TMEM132B: variants seen among roughly 807,000 people sequenced by gnomAD.
TMEM132B encodes transmembrane protein 132B.
In TMEM132B, 18 loss-of-function variants were observed where a neutral mutation model predicts 90.8. That is an observed-to-expected ratio of 0.20 (90% confidence interval 0.14 to 0.29). The LOEUF (loss-of-function observed/expected upper bound fraction) is 0.29, where lower values mean the gene tolerates loss of function less well. Among genes scored for constraint, TMEM132B ranks in the 10% least tolerant of loss-of-function variants. The pLI is 1.00. For synonymous variants in TMEM132B, 504 were observed against 523.3 expected (o/e 0.96, Z 0.50); for missense variants, 1,096 against 1,326.8 (o/e 0.83, Z 2.70).
At chr12:125,588,114 G>T (rs1885223310) in intron 5 of TMEM132B, 1 of 152,140 alleles carries the variant, frequency 6.6e-6, no homozygotes, top group South Asian at 2.1e-4. Flanking sequence ...AGACTGCAGA[G>T]GTAGTGAGTT....
chr12:125,508,570 A>G (rs1882901357), intron 3 of TMEM132B, among the ~76,000 whole-genome samples: 1 of 152,056 alleles, frequency 6.6e-6, no homozygotes, highest in Admixed American at 6.6e-5. Flanking sequence ...TGCATATGGC[A>G]TGACTCCAGG....
chr12:125,254,019 G>C (rs916304165), intron 1 of TMEM132B, among the ~76,000 whole-genome samples: 2 of 152,182 alleles, frequency 1.3e-5, no homozygotes. Context: ...ACTGGGCGCG[G>C]TGGCTCATGC....
rs574884929 is a variant in TMEM132B at position 125,275,721 on chromosome 12, G to GT, written c.68-73723dup. On this transcript the variant is annotated intron_variant, in intron 1 of 8. Transcript: ENST00000682704. ...ATCCTTGGAAACCTTTGGCTAATGT[G>GT]TTTTTTTTGGGAGACAGGGTCTCAC... Among the ~76,000 whole-genome samples, 70 of 151,896 alleles carry GT rather than the reference G, an allele frequency of 4.6e-4. 2 individuals are homozygous for GT. The South Asian group carries it at 0.013, about 28-fold the overall frequency.
intron 1 of TMEM132B, among the ~76,000 whole-genome samples, chr12:125,236,194 G>A (rs1272954075): frequency 3.9e-5 from 6 of 151,992 alleles, no homozygotes; most frequent in African/African-American, 1.2e-4. Flanking sequence ...TGCCCAGGGT[G>A]GAGTGCAGTG....
At chr12:125,252,865 C>G (rs1849449299) in intron 1 of TMEM132B, among the ~76,000 whole-genome samples, 1 of 152,168 alleles carries the variant, frequency 6.6e-6, no homozygotes, top group South Asian at 2.1e-4. Context: ...TCAAATTGGT[C>G]AACATTTTCT....
intron 1 of TMEM132B, among the ~76,000 whole-genome samples, chr12:125,252,314 G>A (rs1874334625): frequency 6.6e-6 from 1 of 152,152 alleles, no homozygotes; most frequent in African/African-American, 2.4e-5. Context: ...TCTCTAGTGA[G>A]TGCCTTTCTC....
At chr12:125,440,527 C>G (rs895265973) in intron 3 of TMEM132B, among the ~76,000 whole-genome samples, 3 of 152,104 alleles carry the variant, frequency 2.0e-5, no homozygotes, top group African/African-American at 7.2e-5. Flanking sequence ...CATTAGGACC[C>G]GCGATTATTT....
At chr12:125,651,086 A>G (rs1886904723) in intron 7 of TMEM132B, 133 bp downstream of exon 7, 1 of 1,238,620 alleles carries the variant, frequency 8.1e-7, no homozygotes. Flanking sequence ...CTGTGCATGT[A>G]TTGCCTCTGT....
chr12:125,613,722 C>T (rs1222912330), intron 5 of TMEM132B, among the ~76,000 whole-genome samples: 1 of 151,934 alleles, frequency 6.6e-6, no homozygotes, highest in Non-Finnish European at 1.5e-5. Flanking sequence ...ATAGATATTA[C>T]ATGTCTATAT....
intron 3 of TMEM132B, among the ~76,000 whole-genome samples, chr12:125,421,628 C>G (rs533460696): frequency 1.8e-4 from 28 of 152,320 alleles, no homozygotes; most frequent in African/African-American, 6.7e-4. Flanking sequence ...ATTGGAAAAT[C>G]TGGAAAATCC....
intron 3 of TMEM132B, among the ~76,000 whole-genome samples, chr12:125,488,115 A>C (rs1882248074): frequency 6.6e-6 from 1 of 152,224 alleles, no homozygotes; most frequent in South Asian, 2.1e-4. Context: ...CACAGTAGAA[A>C]TAGAAGGAAA....
At chr12:125,287,942 A>C (rs966689903) in intron 1 of TMEM132B, among the ~76,000 whole-genome samples, 5 of 151,928 alleles carry the variant, frequency 3.3e-5, no homozygotes, top group Non-Finnish European at 5.9e-5. Flanking sequence ...ATCTCGGCTC[A>C]CTGCAACCTC....
intron 3 of TMEM132B, among the ~76,000 whole-genome samples, chr12:125,421,438 C>T (rs781779944): frequency 2.0e-5 from 3 of 152,180 alleles, no homozygotes; most frequent in Non-Finnish European, 2.9e-5. Flanking sequence ...GAACTCCCCT[C>T]TATAAAACCA....
chr12:125,527,813 C>T (rs1592976066), intron 4 of TMEM132B, among the ~76,000 whole-genome samples: 1 of 152,170 alleles, frequency 6.6e-6, no homozygotes, highest in African/African-American at 2.4e-5. Flanking sequence ...GCCACCCAAA[C>T]GGTGAATAGC....
intron 4 of TMEM132B, among the ~76,000 whole-genome samples, chr12:125,527,160 A>G (rs1158989158): frequency 8.4e-6 from 1 of 119,716 alleles, no homozygotes; most frequent in African/African-American, 3.3e-5. Context: ...CCATCCACCC[A>G]TCCACCCATC....
At chr12:125,475,086 G>A (rs1225568583) in intron 3 of TMEM132B, among the ~76,000 whole-genome samples, 1 of 152,180 alleles carries the variant, frequency 6.6e-6, no homozygotes. Context: ...CTAGAAGGGG[G>A]AGGTGGATTA....
chr12:125,300,713 G>T (rs948286438), intron 1 of TMEM132B, among the ~76,000 whole-genome samples: 1 of 152,162 alleles, frequency 6.6e-6, no homozygotes, highest in Non-Finnish European at 1.5e-5. Context: ...TATAGATAAG[G>T]CAACTAAGAC....
intron 1 of TMEM132B, among the ~76,000 whole-genome samples, chr12:125,264,034 C>T (rs946292179): frequency 1.3e-5 from 2 of 152,198 alleles, no homozygotes; most frequent in Admixed American, 6.5e-5. Flanking sequence ...TGAAATGACT[C>T]TTAAGGAATG....
In TMEM132B at chr12:125,644,208, C is replaced by G. The variant is rs1361903398; in HGVS notation, c.1570C>G (p.Leu524Val). Residue 524 changes from leucine (L) to valine (V), a missense_variant, in exon 6 of 9, where the codon CTG becomes GTG. Coordinates refer to ENST00000682704, the MANE Select transcript of TMEM132B (RefSeq NM_001366854.1). Reference sequence around the variant, plus strand: ...CACTGTCTGGGCACCCAGGCTCCCCCTGCAGATTGAGATCTCAGACACCGA... The same window carrying G: ...CACTGTCTGGGCACCCAGGCTCCCCGTGCAGATTGAGATCTCAGACACCGA... ...EVTVWAPRLP[L>V]QIEISDTELS... is the part of the protein sequence containing the mutation. 4.3e-6 allele frequency: 7 copies of G among 1,614,224 alleles called. No homozygotes were observed. In the South Asian group the frequency reaches 7.7e-5, roughly 18 times the overall value.
Sources: allele counts gnomAD v4.1 joint callset (sites outside exome capture counted in the v4.1 genomes callset), GRCh38; gene constraint gnomAD v4.1.1; transcripts MANE v1.5; gene names NCBI Gene and HGNC (gene_info 2026-07-23, HGNC 2026-07-21).